Variants in MED13 observed in about 807,000 individuals in gnomAD.
MED13 encodes the protein mediator of RNA polymerase II transcription subunit 13.
Under a neutral mutation model 225.2 loss-of-function variants are expected in MED13, and 23 were observed. The ratio of observed to expected loss-of-function variants is 0.10; its 90% CI spans 0.07 to 0.14. The LOEUF is 0.14. MED13 is among the 10% of genes least tolerant of loss of function. The pLI, the probability that MED13 is intolerant of heterozygous loss-of-function variation, is 1.00. For synonymous variants in MED13, 942 were observed against 889.2 expected (o/e 1.06, Z -1.06); for missense variants, 2,197 against 2,594.5 (o/e 0.85, Z 3.33).
chr17:62,043,697 CTG>C (rs746467996), intron 3 of MED13, among the ~76,000 whole-genome samples: 31 of 152,288 alleles, frequency 2.0e-4, no homozygotes, highest in Admixed American at 3.9e-4. Context: ...CCAATCCAAA[CTG>C]AGATATACTC....
At chr17:62,042,498 G>A (rs2080861104) in intron 3 of MED13, among the ~76,000 whole-genome samples, 1 of 140,176 alleles carries the variant, frequency 7.1e-6, no homozygotes. Flanking sequence ...GGAGGTGGCA[G>A]TTGCAATGAG....
At chr17:61,958,255 C>A (rs2079966711) in intron 23 of MED13, among the ~76,000 whole-genome samples, 1 of 152,028 alleles carries the variant, frequency 6.6e-6, no homozygotes, top group African/African-American at 2.4e-5. Flanking sequence ...GCAATTTCCA[C>A]CTCCTGGGTT....
intron 9 of MED13, among the ~76,000 whole-genome samples, chr17:62,002,649 A>G (rs1567970328): frequency 1.3e-5 from 2 of 152,208 alleles, no homozygotes; most frequent in South Asian, 4.1e-4. Context: ...ATCTGAAGCA[A>G]TATTAACAGC....
chr17:62,001,088 T>A (rs1394490283), intron 9 of MED13, among the ~76,000 whole-genome samples: 1 of 152,104 alleles, frequency 6.6e-6, no homozygotes, highest in Non-Finnish European at 1.5e-5. Flanking sequence ...TATTCCAAGG[T>A]ACTTCTACTT....
In MED13 at chr17:62,065,236, C is replaced by A. The variant is rs1424865483; in HGVS notation, c.-31G>T. ...CTCACAGCAGCCGCCGCCGGCGCCACAACCCACCATCCGCCATTACCGCCG... is the reference window on the plus strand; with the variant it reads ...CTCACAGCAGCCGCCGCCGGCGCCAAAACCCACCATCCGCCATTACCGCCG... On this transcript the variant is annotated 5_prime_UTR_variant, in exon 1 of 30. Coordinates refer to ENST00000397786, the MANE Select transcript of MED13 (RefSeq NM_005121.3). The A allele has an allele frequency of 3.3e-6, 5 of 1,498,760 alleles. No individual in the cohort carries two copies. The highest frequency in any genetic ancestry group is 3.6e-6 in the Non-Finnish European group (4 of 1,117,554). 92.8% of individuals were successfully genotyped at this position (1,498,760 alleles called of 1,614,324 possible). A position where few individuals can be genotyped will look rare whatever the true frequency, so the allele number is the denominator to read the frequency against.
At chr17:61,974,735 G>C (rs1312672503) in intron 16 of MED13, among the ~76,000 whole-genome samples, 2 of 151,974 alleles carry the variant, frequency 1.3e-5, no homozygotes, top group African/African-American at 4.8e-5. Flanking sequence ...ACATGCAAAA[G>C]AATGAAGTCA....
chr17:61,974,361 G>C lies in MED13; in HGVS notation c.3806-1473C>G, dbSNP rs546736535. The stretch of plus-strand genomic sequence containing the variant: ...CAAGGTTACAGTGAGCCATGATAGC[G>C]TAACACTGCACTTCAGCCTGGACAA... On this transcript the variant is annotated intron_variant, in intron 16 of 29. Transcript: ENST00000397786. Among the ~76,000 whole-genome samples the C allele has an allele frequency of 3.3e-5, 5 of 152,096 alleles. No individual in the cohort carries two copies. In the South Asian group the frequency reaches 8.3e-4, roughly 25 times the overall value.
rs2080210855 is a variant in MED13, at chr17:61,982,236, A to G, written c.3767T>C (p.Val1256Ala). The G allele has an allele frequency of 6.2e-7, 1 of 1,614,124 alleles. No homozygotes were observed. Among genetic ancestry groups the G allele is most frequent in the Non-Finnish European group, 8.5e-7 (1 of 1,180,002 alleles). ...MSGGKVDEAL[V>A]KSSCLHPWSK... Reference sequence around the variant, plus strand: ...CCAGGGGTGTAAGCATGAACTTTTCACAAGTGCTTCATCAACTTTTCCTCC... The same window carrying G: ...CCAGGGGTGTAAGCATGAACTTTTCGCAAGTGCTTCATCAACTTTTCCTCC... Residue 1256 changes from valine to alanine, a missense_variant, in exon 16 of 30, where the codon GTG (valine) becomes GCG (alanine). Physicochemically the swap from Val to Ala is moderately conservative, Grantham distance 64 (BLOSUM62 0). This residue lies in a region of MED13 where 203 missense variants were observed against 209.7 expected (regional missense o/e 0.97). Coordinates refer to ENST00000397786, the MANE Select transcript of MED13 (RefSeq NM_005121.3).
intron 28 of MED13, among the ~76,000 whole-genome samples, chr17:61,950,556 G>A (rs1219559385): frequency 6.6e-6 from 1 of 152,022 alleles, no homozygotes; most frequent in Non-Finnish European, 1.5e-5. Flanking sequence ...GCTAATTCTT[G>A]TATTTTCAGT....
intron 3 of MED13, among the ~76,000 whole-genome samples, chr17:62,041,589 T>C (rs1044870212): frequency 1.2e-4 from 19 of 152,104 alleles, no homozygotes; most frequent in African/African-American, 4.1e-4. Flanking sequence ...TTTTTTTTTT[T>C]CCTTTGAGAC....
At chr17:61,997,882 A>T (rs188846816) in intron 9 of MED13, among the ~76,000 whole-genome samples, 65 of 152,206 alleles carry the variant, frequency 4.3e-4, no homozygotes, top group Admixed American at 1.4e-3. Flanking sequence ...TAACATTATT[A>T]AAAAAACCAA....
chr17:61,947,760 T>G (rs923040731), intron 28 of MED13, among the ~76,000 whole-genome samples: 1 of 152,152 alleles, frequency 6.6e-6, no homozygotes. Context: ...GATATGGCAA[T>G]GAATAGTGGG....
intron 8 of MED13, among the ~76,000 whole-genome samples, chr17:62,024,406 C>T (rs563129255): frequency 6.6e-6 from 1 of 152,272 alleles, no homozygotes; most frequent in African/African-American, 2.4e-5. Context: ...TTAATGCCTT[C>T]CTCTAAAACC....
At chr17:62,001,657 A>G (rs2080396381) in intron 9 of MED13, among the ~76,000 whole-genome samples, 2 of 152,292 alleles carry the variant, frequency 1.3e-5, no homozygotes, top group Middle Eastern at 3.4e-3. Flanking sequence ...TAACCATACC[A>G]AACTACATAA....
At chr17:61,947,440 C>T (rs973499190) in intron 28 of MED13, among the ~76,000 whole-genome samples, 7 of 152,032 alleles carry the variant, frequency 4.6e-5, no homozygotes, top group African/African-American at 1.5e-4. Flanking sequence ...TTCTAATTAC[C>T]TGCTAAGTCT....
At position 61,996,880 on chromosome 17, in the gene MED13, A is replaced by G. The variant is rs549118494; in HGVS notation, c.1968-1515T>C. Reference sequence around the variant, plus strand: ...TCACTAATTTAGCACAGATGCCTAGAGTACCTGGTACATAATAGGTGTCAA... The same window carrying G: ...TCACTAATTTAGCACAGATGCCTAGGGTACCTGGTACATAATAGGTGTCAA... On this transcript the variant is annotated intron_variant, in intron 9 of 29. Transcript: ENST00000397786. 3.9e-5 allele frequency among the ~76,000 whole-genome samples: 6 copies of G among 152,368 alleles called. No individual in the cohort carries two copies. In the East Asian group the frequency reaches 1.2e-3, roughly 29 times the overall value.
At chr17:61,946,643 A>G (rs1430405090) in intron 29 of MED13, 43 bp from the exon 30 acceptor site, 6 of 1,599,818 alleles carry the variant, frequency 3.8e-6, no homozygotes, top group Non-Finnish European at 5.1e-6. Context: ...TTTATTTCCA[A>G]CCTAGATTTT....
chr17:62,018,285 T>C (rs1017276971), intron 8 of MED13, among the ~76,000 whole-genome samples: 4 of 152,158 alleles, frequency 2.6e-5, no homozygotes, highest in Non-Finnish European at 4.4e-5. Context: ...ATGAAAAATA[T>C]TATTTTTCAA....
intron 8 of MED13, among the ~76,000 whole-genome samples, chr17:62,028,334 C>T (rs2080721943): frequency 1.3e-5 from 2 of 152,196 alleles, no homozygotes; most frequent in Admixed American, 6.5e-5. Context: ...TAAGTGGTAG[C>T]TAAATGATGA....
Sources: gnomAD v4.1 joint callset for allele counts (sites outside exome capture counted in the v4.1 genomes callset) on GRCh38, gnomAD v4.1.1 for gene constraint, gnomAD v4.1.1 regional missense constraint, MANE v1.5 for transcripts, NCBI Gene and HGNC (gene_info 2026-07-23, HGNC 2026-07-21) for gene names.